The following NFIB variants were observed in gnomAD, a reference collection of about 807,000 sequenced individuals.
NFIB encodes nuclear factor 1 B-type.
NFIB carries 11 observed loss-of-function variants against 61.5 expected under a neutral mutation model. The observed-to-expected ratio is 0.18, with a 90% CI of 0.11 to 0.30. The LOEUF is 0.30. Among genes scored for constraint, NFIB ranks in the 10% least tolerant of loss-of-function variants. The pLI is 1.00. For missense variants in NFIB, 471 were observed against 608.9 expected, an observed-to-expected ratio of 0.77 and a Z score of 2.38; for synonymous variants, 260 against 216.5, an observed-to-expected ratio of 1.20 and a Z score of -1.76.
chr9:14,225,506 A>T (rs1027567705), intron 2 of NFIB, among the ~76,000 whole-genome samples: 3 of 150,266 alleles, frequency 2.0e-5, no homozygotes, highest in African/African-American at 7.3e-5. Flanking sequence ...AGGTAATATG[A>T]TAGATTTGAA....
At chr9:14,264,452 T>C (rs576917294) in intron 2 of NFIB, among the ~76,000 whole-genome samples, 1 of 152,276 alleles carries the variant, frequency 6.6e-6, no homozygotes, top group East Asian at 1.9e-4. Flanking sequence ...ATTATAAAAA[T>C]AGAAACCAAA....
At chr9:14,088,751 C>G (rs1195958187) in intron 10 of NFIB, among the ~76,000 whole-genome samples, 1 of 152,122 alleles carries the variant, frequency 6.6e-6, no homozygotes, top group African/African-American at 2.4e-5. Context: ...CTTTAATTCA[C>G]AAGCAATTCA....
chr9:14,387,467 C>T (rs150537285), intron 1 of NFIB, among the ~76,000 whole-genome samples: 30 of 152,168 alleles, frequency 2.0e-4, no homozygotes, highest in African/African-American at 6.5e-4. Flanking sequence ...ATGCATATAA[C>T]CTACACAATA....
At chr9:14,127,932 C>CAAA (rs201442988) in intron 6 of NFIB, among the ~76,000 whole-genome samples, 1 of 87,214 alleles carries the variant, frequency 1.1e-5, no homozygotes, top group Non-Finnish European at 2.5e-5. Context: ...ATATCTTTTT[C>CAAA]AAAAAAAAAA....
chr9:14,104,315 G>A (rs2036228156), intron 10 of NFIB, among the ~76,000 whole-genome samples: 1 of 152,144 alleles, frequency 6.6e-6, no homozygotes, highest in Non-Finnish European at 1.5e-5. Flanking sequence ...TTTCAAAGAA[G>A]TAAATGTGTT....
rs189363103 is a variant in NFIB at position 14,264,550 on chromosome 9, A to G, written c.562+42439T>C. ...TTCTTTAGGAAAGTAAAAACACTCA[A>G]TGATGAATTTTTATCTATCTGAGGA... On this transcript the variant is annotated intron_variant, in intron 2 of 10. Transcript: ENST00000380953. Among the ~76,000 whole-genome samples the G allele has an allele frequency of 2.3e-3, 348 of 152,308 alleles. 6 individuals carry two copies. Among genetic ancestry groups the G allele is most frequent in the Non-Finnish European group, 1.9e-4 (13 of 68,034 alleles).
At chr9:14,467,199 C>A in the NFIB span, among the ~76,000 whole-genome samples, 2 of 152,076 alleles carry the variant, frequency 1.3e-5, no homozygotes, top group Non-Finnish European at 2.9e-5. Context: ...TTTAGGGCAC[C>A]ACAGGCTGTC....
intron 6 of NFIB, among the ~76,000 whole-genome samples, chr9:14,138,234 T>G (rs1000516477): frequency 1.3e-5 from 2 of 152,152 alleles, no homozygotes. Context: ...AAGGAAGGGC[T>G]CAATAAATAA....
chr9:14,502,966 CAT>C, the NFIB span, among the ~76,000 whole-genome samples: 3 of 152,104 alleles, frequency 2.0e-5, 1 homozygote, highest in Middle Eastern at 0.01. Context: ...TGAGTGCAAA[CAT>C]ACAATGTTTT....
chr9:14,405,187 T>C, the NFIB span, among the ~76,000 whole-genome samples: 2 of 152,200 alleles, frequency 1.3e-5, no homozygotes, highest in African/African-American at 2.4e-5. Flanking sequence ...CAGTCTAACC[T>C]TGAAGTCACA....
rs1044379365 is a variant in NFIB at position 14,219,379 on chromosome 9, G to A, written c.563-39599C>T. Among the ~76,000 whole-genome samples the A allele has an allele frequency of 7.9e-4, 9 of 11,402 alleles. No individual in the cohort carries two copies. The African/African-American group carries it at 0.01, about 13-fold the overall frequency. The allele number at this position is 11,402 out of a possible 152,430, so 7.5% of individuals were successfully genotyped here. On this transcript the variant is annotated intron_variant, in intron 2 of 10. Coordinates refer to ENST00000380953, the MANE Select transcript of NFIB (RefSeq NM_001190737.2). ...ATATAGAGTCATCTTGTAGCACTAG[G>A]GTAAAAAAAAAAAAAAAAAAAAAAA... is the stretch of plus-strand genomic sequence containing the variant.
chr9:14,414,292 G>A, the NFIB span, among the ~76,000 whole-genome samples: 1 of 151,866 alleles, frequency 6.6e-6, no homozygotes, highest in African/African-American at 2.4e-5. Context: ...AAAATTAGCT[G>A]GGCGTGGTGG....
chr9:14,251,063 A>G (rs2055549777), intron 2 of NFIB, among the ~76,000 whole-genome samples: 1 of 152,216 alleles, frequency 6.6e-6, no homozygotes, highest in Non-Finnish European at 1.5e-5. Flanking sequence ...TTACATAATT[A>G]AAGATTATAG....
chr9:14,184,147 T>C (rs1047628665), intron 2 of NFIB, among the ~76,000 whole-genome samples: 12 of 152,128 alleles, frequency 7.9e-5, no homozygotes, highest in African/African-American at 2.4e-4. Flanking sequence ...TTATGGAAGA[T>C]CCTAGGACAC....
At chr9:14,282,781 G>C (rs537386924) in intron 2 of NFIB, among the ~76,000 whole-genome samples, 5 of 152,316 alleles carry the variant, frequency 3.3e-5, no homozygotes, top group African/African-American at 1.2e-4. Flanking sequence ...CGCACAGCCA[G>C]GTGAGCTCCT....
At chr9:14,093,882 T>C (rs1182403136) in intron 10 of NFIB, among the ~76,000 whole-genome samples, 1 of 152,112 alleles carries the variant, frequency 6.6e-6, no homozygotes, top group Non-Finnish European at 1.5e-5. Flanking sequence ...GTTGAATCTA[T>C]TTATGTATTA....
chr9:14,486,441 T>C, the NFIB span, among the ~76,000 whole-genome samples: 1 of 152,172 alleles, frequency 6.6e-6, no homozygotes, highest in Admixed American at 6.5e-5. Flanking sequence ...AATGGTGATC[T>C]GGATTAAAAA....
At chr9:14,115,825 A>C (rs545959401) in intron 9 of NFIB, among the ~76,000 whole-genome samples, 1 of 152,364 alleles carries the variant, frequency 6.6e-6, no homozygotes, top group Admixed American at 6.5e-5. Flanking sequence ...GGAATGCTCC[A>C]ATAAGTACCA....
At chr9:14,143,096 T>C (rs925914095) in intron 6 of NFIB, among the ~76,000 whole-genome samples, 7 of 152,142 alleles carry the variant, frequency 4.6e-5, no homozygotes, top group African/African-American at 1.7e-4. Flanking sequence ...TATTAAATTA[T>C]GGTTAGTTTT....
Sources: allele counts gnomAD v4.1 joint callset (sites outside exome capture counted in the v4.1 genomes callset), GRCh38; gene constraint gnomAD v4.1.1; transcripts MANE v1.5; gene names NCBI Gene and HGNC (gene_info 2026-07-23, HGNC 2026-07-21).